The following ARHGAP44 variants were observed in gnomAD, a reference collection of about 807,000 sequenced individuals.
The protein encoded by ARHGAP44 is Rho GTPase activating protein 44.
A neutral mutation model predicts 106.8 loss-of-function variants in ARHGAP44; 43 were observed. The observed-to-expected ratio is 0.40, with a 90% CI of 0.32 to 0.52. The LOEUF is 0.52. ARHGAP44 is among the 20% of genes least tolerant of loss of function. The pLI, the probability that ARHGAP44 is intolerant of heterozygous loss-of-function variation, is 0.48. For synonymous variants in ARHGAP44, 439 were observed against 410.3 expected (o/e 1.07, Z -0.85); for missense variants, 866 against 1,050.5 (o/e 0.82, Z 2.43).
chr17:12,877,158 T>C (rs1309169953), intron 1 of ARHGAP44, among the ~76,000 whole-genome samples: 1 of 152,162 alleles, frequency 6.6e-6, no homozygotes, highest in African/African-American at 2.4e-5. Flanking sequence ...GGAAAACAGT[T>C]CTGAAAGAAG....
chr17:12,935,688 G>A (rs770155097), intron 7 of ARHGAP44, among the ~76,000 whole-genome samples: 1 of 152,066 alleles, frequency 6.6e-6, no homozygotes, highest in Non-Finnish European at 1.5e-5. Flanking sequence ...TATTTTTTAA[G>A]TAGGAAAATA....
chr17:12,793,500 G>T (rs1381050768), intron 1 of ARHGAP44, among the ~76,000 whole-genome samples: 1 of 152,182 alleles, frequency 6.6e-6, no homozygotes, highest in African/African-American at 2.4e-5. Context: ...CTGAGGTCAG[G>T]AGTTCGAGAC....
intron 10 of ARHGAP44, among the ~76,000 whole-genome samples, chr17:12,944,488 T>A (rs1322916450): frequency 1.5e-5 from 2 of 136,470 alleles, no homozygotes; most frequent in East Asian, 4.0e-4. Context: ...CATTCTGCTA[T>A]TTTTTTTTTT....
intron 1 of ARHGAP44, among the ~76,000 whole-genome samples, chr17:12,861,881 C>T (rs1431616996): frequency 3.3e-5 from 5 of 151,964 alleles, no homozygotes; most frequent in Non-Finnish European, 5.9e-5. Context: ...ATGATCCACT[C>T]GCCTCAGCTT....
chr17:12,965,262 C>T (rs11655654), intron 16 of ARHGAP44, among the ~76,000 whole-genome samples: 27,198 of 152,080 alleles, frequency 0.18, 2,460 homozygotes, highest in Middle Eastern at 0.2. Flanking sequence ...GCCTGAAACC[C>T]GACGCACCTA....
At chr17:12,907,054 C>G (rs2037572478) in intron 3 of ARHGAP44, among the ~76,000 whole-genome samples, 1 of 152,146 alleles carries the variant, frequency 6.6e-6, no homozygotes, top group South Asian at 2.1e-4. Context: ...TGGTTTGGTG[C>G]CTGCCCTCCA....
chr17:12,984,990 C>A, intron 20 of ARHGAP44, 82 bp downstream of exon 20: 3 of 1,483,274 alleles, frequency 2.0e-6, no homozygotes, highest in Non-Finnish European at 2.7e-6. Flanking sequence ...AGTGTTACTG[C>A]CAGTGAACAC....
chr17:12,926,307 G>A (rs1276792012), intron 6 of ARHGAP44, among the ~76,000 whole-genome samples: 1 of 151,248 alleles, frequency 6.6e-6, no homozygotes, highest in Non-Finnish European at 1.5e-5. Flanking sequence ...GGAAGTTGCA[G>A]TGAGCTGAGA....
At chr17:12,885,477 T>C (rs73978266) in intron 1 of ARHGAP44, among the ~76,000 whole-genome samples, 8,845 of 151,942 alleles carry the variant, frequency 0.058, 837 homozygotes, top group African/African-American at 0.2. Flanking sequence ...GCCCAACTCC[T>C]AGCAATGTGT....
intron 1 of ARHGAP44, among the ~76,000 whole-genome samples, chr17:12,894,230 G>C (rs2037133973): frequency 7.1e-6 from 1 of 141,458 alleles, no homozygotes; most frequent in Non-Finnish European, 1.5e-5. Flanking sequence ...GTGTGTGTGA[G>C]AGAGAGAGAG....
intron 1 of ARHGAP44, among the ~76,000 whole-genome samples, chr17:12,882,362 ATTACT>A (rs1259114642): frequency 5.9e-5 from 9 of 152,192 alleles, no homozygotes; most frequent in African/African-American, 2.2e-4. Context: ...ATTTCTGTAG[ATTACT>A]TTGGATTATC....
At position 12,876,044 on chromosome 17, in the gene ARHGAP44, C is replaced by T. The variant is rs560609108; in HGVS notation, c.54-18896C>T. On this transcript the variant is annotated intron_variant, in intron 1 of 20. Transcript: ENST00000379672. ...GAGCTAGAAGCTCTAACTGCTTTCT[C>T]GAGCTAGAAAACACCTTGCCTGAGA... is the stretch of plus-strand genomic sequence containing the variant. Among the ~76,000 whole-genome samples, 255 of 152,274 alleles carry T rather than the reference C, an allele frequency of 1.7e-3. 2 individuals carry two copies. Among genetic ancestry groups the T allele is most frequent in the African/African-American group, 4.8e-3 (198 of 41,548 alleles).
chr17:12,875,482 C>A (rs906393801), intron 1 of ARHGAP44, among the ~76,000 whole-genome samples: 4 of 151,896 alleles, frequency 2.6e-5, no homozygotes, highest in African/African-American at 9.7e-5. Context: ...TAGTCCCCAG[C>A]TCGGGAGGCT....
intron 10 of ARHGAP44, among the ~76,000 whole-genome samples, chr17:12,946,329 CT>C (rs929072053): frequency 6.6e-6 from 1 of 151,976 alleles, no homozygotes; most frequent in Non-Finnish European, 1.5e-5. Context: ...GTATGTATCT[CT>C]GTAAGATAGC....
At chr17:12,805,772 G>A (rs1026306017) in intron 1 of ARHGAP44, among the ~76,000 whole-genome samples, 4 of 152,196 alleles carry the variant, frequency 2.6e-5, no homozygotes, top group Non-Finnish European at 5.9e-5. Flanking sequence ...AGTGCTCTTA[G>A]CATCAGTACC....
chr17:12,949,790 G>A lies in ARHGAP44; in HGVS notation c.1055+60G>A. On this transcript the variant is annotated intron_variant, in intron 12 of 20. Transcript: ENST00000379672. This position sits in a 1 kb window ranked among gnomAD's most constrained non-coding sequence, Gnocchi z 4.1. Reference sequence around the variant, plus strand: ...TACAGTTTATTTGGGAGTATGTGCTGAAATTATAGAAGCATGTAACCTATG... The same window carrying A: ...TACAGTTTATTTGGGAGTATGTGCTAAAATTATAGAAGCATGTAACCTATG... The A allele has an allele frequency of 6.7e-7, 1 of 1,496,938 alleles. No homozygotes were observed. Among genetic ancestry groups the A allele is most frequent in the Non-Finnish European group, 9.3e-7 (1 of 1,078,034 alleles). The allele number at this position is 1,496,938 out of a possible 1,614,324, so 92.7% of individuals were successfully genotyped here.
intron 16 of ARHGAP44, among the ~76,000 whole-genome samples, chr17:12,963,060 A>G (rs2039303132): frequency 6.6e-6 from 1 of 151,672 alleles, no homozygotes; most frequent in African/African-American, 2.4e-5. Flanking sequence ...AAAAAAAAAA[A>G]AAAAAAAAAA....
At chr17:12,971,674 G>A (rs780645397) in intron 16 of ARHGAP44, among the ~76,000 whole-genome samples, 2 of 150,838 alleles carry the variant, frequency 1.3e-5, no homozygotes, top group Non-Finnish European at 3.0e-5. Flanking sequence ...TCTGGGTATC[G>A]TATAGGAAGT....
At position 12,802,784 on chromosome 17, in the gene ARHGAP44, A is replaced by G. The variant is rs1195456856; in HGVS notation, c.53+12893A>G. On this transcript the variant is annotated intron_variant, in intron 1 of 20. Coordinates refer to ENST00000379672, the MANE Select transcript of ARHGAP44 (RefSeq NM_014859.6). ...TTTTTTTTTTTTTTTTTTGATACGAAGTCTCCCTCTGTCGCCCAGGCTGGA... is the reference window on the plus strand; with the variant it reads ...TTTTTTTTTTTTTTTTTTGATACGAGGTCTCCCTCTGTCGCCCAGGCTGGA... Among the ~76,000 whole-genome samples, 4 of 131,008 alleles carry G rather than the reference A, an allele frequency of 3.1e-5. No individual in the cohort carries two copies. The South Asian group carries it at 1.0e-3, about 34-fold the overall frequency. The allele number at this position is 131,008 out of a possible 152,430, so 85.9% of individuals were successfully genotyped here. A position where few individuals can be genotyped will look rare whatever the true frequency, so the allele number is the denominator to read the frequency against.
Sources: gnomAD v4.1 joint callset for allele counts (sites outside exome capture counted in the v4.1 genomes callset) on GRCh38, gnomAD v4.1.1 for gene constraint, Gnocchi (gnomAD v3.1) non-coding constraint, MANE v1.5 for transcripts, NCBI Gene and HGNC (gene_info 2026-07-23, HGNC 2026-07-21) for gene names.